ACADSB: variants seen among roughly 807,000 people sequenced by gnomAD.
ACADSB encodes the protein acyl-CoA dehydrogenase short/branched chain, also known as short/branched chain specific acyl-CoA dehydrogenase, mitochondrial.
A neutral mutation model predicts 54.1 loss-of-function variants in ACADSB; 40 were observed. The ratio of observed to expected loss-of-function variants is 0.74; its 90% CI spans 0.57 to 0.96. ACADSB has a LOEUF of 0.96. Among genes scored for constraint, ACADSB ranks in the 40% least tolerant of loss-of-function variants. ACADSB has a pLI of 0.00. For synonymous variants in ACADSB, 182 were observed against 182.8 expected, an observed-to-expected ratio of 1.00 and a Z score of 0.03; for missense variants, 530 against 510.4, an observed-to-expected ratio of 1.04 and a Z score of -0.37.
At position 123,044,552 on chromosome 10, in the gene ACADSB, A is replaced by G. The variant is rs575372361; in HGVS notation, c.900+67A>G. 8.0e-6 allele frequency: 10 copies of G among 1,254,512 alleles called. No individual in the cohort carries two copies. The South Asian group carries it at 1.2e-4, about 15-fold the overall frequency. 77.7% of individuals were successfully genotyped at this position (1,254,512 alleles called of 1,614,324 possible). A position where few individuals can be genotyped will look rare whatever the true frequency, so the allele number is the denominator to read the frequency against. Reference sequence around the variant, plus strand: ...ACTGTGAAAAGAAAAAAATGCAATGAGACCAATGAATATTTGGAAGCTTAT... The same window carrying G: ...ACTGTGAAAAGAAAAAAATGCAATGGGACCAATGAATATTTGGAAGCTTAT... On this transcript the variant is annotated intron_variant, in intron 7 of 10. Coordinates refer to ENST00000358776, the MANE Select transcript of ACADSB (RefSeq NM_001609.4).
rs769238998 is a variant in ACADSB, at chr10:123,052,877, ATAGGATG to A, written c.1129-182_1129-176del. 1 of 644,994 alleles carries A rather than the reference ATAGGATG, an allele frequency of 1.6e-6. No individual in the cohort carries two copies. Among genetic ancestry groups the A allele is most frequent in the Non-Finnish European group, 2.8e-6 (1 of 353,684 alleles). 40.0% of individuals were successfully genotyped at this position (644,994 alleles called of 1,614,324 possible). ...AAGAAAATGGGGATTCTGTGAATTA[ATAGGATG>A]TTTTACAGAAATGGTATGGAGAATG... is the stretch of plus-strand genomic sequence containing the variant. On this transcript the variant is annotated intron_variant, in intron 9 of 10. Coordinates refer to ENST00000358776, the MANE Select transcript of ACADSB (RefSeq NM_001609.4). The surrounding 1 kb of genome is among the most constrained non-coding windows in gnomAD (Gnocchi z 4.2).
At chr10:123,045,432 G>A (rs1027068300) in intron 7 of ACADSB, among the ~76,000 whole-genome samples, 5 of 151,478 alleles carry the variant, frequency 3.3e-5, no homozygotes, top group Admixed American at 1.3e-4. Flanking sequence ...CACCCGCCTC[G>A]GCCTCCCAAA....
chr10:123,037,508 T>C (rs1343726373), intron 2 of ACADSB, among the ~76,000 whole-genome samples: 1 of 151,030 alleles, frequency 6.6e-6, no homozygotes, highest in Non-Finnish European at 1.5e-5. Flanking sequence ...TCTTTATTGC[T>C]TGTGTTTTTG....
At chr10:123,042,901 C>T (rs899744157) in intron 5 of ACADSB, 145 bp from the exon 6 acceptor site, 14 of 824,360 alleles carry the variant, frequency 1.7e-5, no homozygotes, top group African/African-American at 1.0e-4. Context: ...TAGCTGCTCT[C>T]GTTTCATAAT....
At position 123,054,510 on chromosome 10, in the gene ACADSB, A is replaced by G. The variant is rs1265988312; in HGVS notation, c.*745A>G. 3 of 152,244 alleles carry G rather than the reference A, an allele frequency of 2.0e-5. No individual in the cohort carries two copies. Among genetic ancestry groups the G allele is most frequent in the African/African-American group, 7.2e-5 (3 of 41,466 alleles). The allele number at this position is 152,244 out of a possible 1,614,324, so 9.4% of individuals were successfully genotyped here. On this transcript the variant is annotated 3_prime_UTR_variant, in exon 11 of 11. Transcript: ENST00000358776. ...TTTTTATCCAGTACTTTATAGATTCAACTCTAAGTTGCAAGCGAAGTCAAA... is the reference window on the plus strand; with the variant it reads ...TTTTTATCCAGTACTTTATAGATTCGACTCTAAGTTGCAAGCGAAGTCAAA...
At chr10:123,031,323 T>C (rs1468729081) in intron 1 of ACADSB, among the ~76,000 whole-genome samples, 1 of 152,234 alleles carries the variant, frequency 6.6e-6, no homozygotes, top group Non-Finnish European at 1.5e-5. Flanking sequence ...TCAACACTTC[T>C]AAGTGCAACA....
chr10:123,012,713 G>A (rs1850053055), intron 1 of ACADSB, among the ~76,000 whole-genome samples: 2 of 152,158 alleles, frequency 1.3e-5, no homozygotes. Context: ...CAGGAGTGAA[G>A]CTGCAGACCT....
chr10:123,041,986 T>C (rs1850481425), intron 5 of ACADSB, among the ~76,000 whole-genome samples: 1 of 131,530 alleles, frequency 7.6e-6, no homozygotes, highest in Non-Finnish European at 1.6e-5. Context: ...TTTTTTTTAA[T>C]ATGGAGTCTC....
Position 123,025,491 on chromosome 10 carries a change from A to AAATT in ACADSB, c.43-8863_43-8862insTTAA, listed in dbSNP as rs200021989. Among the ~76,000 whole-genome samples the AAATT allele has an allele frequency of 6.9e-3, 1,039 of 149,896 alleles. 9 individuals carry two copies. The highest frequency in any genetic ancestry group is 0.011 in the Admixed American group (172 of 14,968). On this transcript the variant is annotated intron_variant, in intron 1 of 10. Coordinates refer to ENST00000358776, the MANE Select transcript of ACADSB (RefSeq NM_001609.4). ...AAAATAAATAAATAAATAAATAAAT[A>AAATT]AAATAATGTGTTTGCATGGCAAAAT...
intron 1 of ACADSB, among the ~76,000 whole-genome samples, chr10:123,010,907 C>G (rs900987248): frequency 4.6e-5 from 7 of 152,112 alleles, no homozygotes; most frequent in African/African-American, 1.7e-4. Flanking sequence ...CGTGCAGATT[C>G]AGAAGATAGA....
chr10:123,051,422 G>A (rs555232353), intron 9 of ACADSB, among the ~76,000 whole-genome samples: 1 of 152,074 alleles, frequency 6.6e-6, no homozygotes, highest in South Asian at 2.1e-4. Flanking sequence ...AGCTCAGCTA[G>A]ACCACCCATC....
intron 1 of ACADSB, among the ~76,000 whole-genome samples, chr10:123,013,582 T>C (rs1850069450): frequency 6.6e-6 from 1 of 152,194 alleles, no homozygotes; most frequent in African/African-American, 2.4e-5. Flanking sequence ...GCTCAGGCCG[T>C]GCAGGAGCCC....
chr10:123,050,712 A>C lies in ACADSB; in HGVS notation c.991-337A>C, dbSNP rs890911896. The stretch of plus-strand genomic sequence containing the variant: ...GTTTTGCTGTGCCAGGATTTCATTT[A>C]AGCTCAATTTTGATCAAAAGAGAGT... On this transcript the variant is annotated intron_variant, in intron 8 of 10. Transcript: ENST00000358776. Among the ~76,000 whole-genome samples the C allele has an allele frequency of 3.8e-5, 4 of 106,614 alleles. No individual in the cohort carries two copies. In the Admixed American group the frequency reaches 4.4e-4, roughly 12 times the overall value. The allele number at this position is 106,614 out of a possible 152,430, so 69.9% of individuals were successfully genotyped here. A position where few individuals can be genotyped will look rare whatever the true frequency, so the allele number is the denominator to read the frequency against.
chr10:123,034,048 T>G (rs1818596152), intron 1 of ACADSB, among the ~76,000 whole-genome samples: 1 of 152,210 alleles, frequency 6.6e-6, no homozygotes, highest in Admixed American at 6.5e-5. Flanking sequence ...AGTTTCCCCT[T>G]CTAAAATGTC....
At chr10:123,017,852 A>G (rs983515952) in intron 1 of ACADSB, among the ~76,000 whole-genome samples, 14 of 152,160 alleles carry the variant, frequency 9.2e-5, no homozygotes, top group African/African-American at 3.1e-4. Context: ...CTGGTTGACA[A>G]TTGGTTGAGT....
At chr10:123,037,409 G>A (rs1480216871) in intron 2 of ACADSB, among the ~76,000 whole-genome samples, 1 of 152,184 alleles carries the variant, frequency 6.6e-6, no homozygotes, top group Non-Finnish European at 1.5e-5. Flanking sequence ...GATTTTCAAA[G>A]AAAAGTTTTC....
intron 1 of ACADSB, among the ~76,000 whole-genome samples, chr10:123,014,327 A>G (rs1434982183): frequency 8.8e-6 from 1 of 113,306 alleles, no homozygotes; most frequent in African/African-American, 3.1e-5. Flanking sequence ...TATTTTTAAA[A>G]TTAATTAATT....
rs1850731523 is a variant in ACADSB at position 123,058,142 on chromosome 10, ATATCCTTGTTT to A, written c.*4378_*4388del. ...GATGTATTTTATAAATGTACTAGTT[ATATCCTTGTTT>A]ATGTATTTTTGCTGATCTTTCATAA... On this transcript the variant is annotated 3_prime_UTR_variant, in exon 11 of 11. Transcript: ENST00000358776. 1 of 152,190 alleles carries A rather than the reference ATATCCTTGTTT, an allele frequency of 6.6e-6. No individual in the cohort carries two copies. Among genetic ancestry groups the A allele is most frequent in the Non-Finnish European group, 1.5e-5 (1 of 68,032 alleles). 9.4% of individuals were successfully genotyped at this position (152,190 alleles called of 1,614,324 possible).
intron 1 of ACADSB, among the ~76,000 whole-genome samples, chr10:123,013,411 C>T (rs1850065797): frequency 6.6e-6 from 1 of 152,266 alleles, no homozygotes; most frequent in Non-Finnish European, 1.5e-5. Context: ...TCCAAGTCCC[C>T]ACTAGACTCA....
Sources: allele counts gnomAD v4.1 joint callset (sites outside exome capture counted in the v4.1 genomes callset), GRCh38; gene constraint gnomAD v4.1.1; non-coding constraint Gnocchi (gnomAD v3.1); transcripts MANE v1.5; gene names NCBI Gene and HGNC (gene_info 2026-07-23, HGNC 2026-07-21).